ZNF469: variants seen among roughly 807,000 people sequenced by gnomAD.
The protein encoded by ZNF469 is zinc finger protein 469.
A neutral mutation model predicts 1.0 loss-of-function variants in ZNF469; 1 was observed. That is an observed-to-expected ratio of 1.00 (90% CI 0.35 to 4.73). The LOEUF is 4.73. Among genes scored for constraint, ZNF469 ranks in the 30% most tolerant of loss-of-function variants. The pLI, the probability that ZNF469 is intolerant of heterozygous loss-of-function variation, is 0.16. For missense variants in ZNF469, 6,100 were observed against 5,356.3 expected (o/e 1.14, Z -4.33); for synonymous variants, 2,703 against 2,363.4 (o/e 1.14, Z -4.17).
chr16:88,172,688 T>C, the ZNF469 span, among the ~76,000 whole-genome samples: 2 of 152,240 alleles, frequency 1.3e-5, no homozygotes, highest in Non-Finnish European at 2.9e-5. Flanking sequence ...ACAAGGATGC[T>C]AAACAGCTAT....
chr16:88,223,277 C>T, the ZNF469 span, among the ~76,000 whole-genome samples: 12 of 152,218 alleles, frequency 7.9e-5, no homozygotes, highest in South Asian at 4.1e-4. Flanking sequence ...ATGCGATCTG[C>T]GGGTTTTATA....
At chr16:88,119,077 A>G in the ZNF469 span, among the ~76,000 whole-genome samples, 1 of 152,210 alleles carries the variant, frequency 6.6e-6, no homozygotes, top group Non-Finnish European at 1.5e-5. Context: ...TTTCCCTGAC[A>G]ACTCGTAACT....
the ZNF469 span, among the ~76,000 whole-genome samples, chr16:88,132,234 G>A: frequency 3.4e-4 from 51 of 152,206 alleles, no homozygotes; most frequent in African/African-American, 1.2e-3. Flanking sequence ...TTCGGCCTCC[G>A]ACGCCCGCCT....
chr16:88,121,636 C>T, the ZNF469 span, among the ~76,000 whole-genome samples: 1 of 152,166 alleles, frequency 6.6e-6, no homozygotes, highest in Non-Finnish European at 1.5e-5. Context: ...TTAAGCTTAT[C>T]TATAATTTAT....
chr16:88,381,110 TCGCACACA>T (rs1159689977), upstream of ZNF469, among the ~76,000 whole-genome samples: 8 of 69,242 alleles, frequency 1.2e-4, no homozygotes, highest in African/African-American at 2.5e-4. Flanking sequence ...GGACATGCAC[TCGCACACA>T]CGCACACACA....
chr16:88,222,131 G>A, the ZNF469 span, among the ~76,000 whole-genome samples: 3 of 152,080 alleles, frequency 2.0e-5, no homozygotes, highest in African/African-American at 4.8e-5. Flanking sequence ...ACTCTCATCC[G>A]CAGCTGAAAT....
the ZNF469 span, among the ~76,000 whole-genome samples, chr16:88,187,129 G>C: frequency 6.6e-6 from 1 of 152,100 alleles, no homozygotes; most frequent in Non-Finnish European, 1.5e-5. Context: ...ACTAGCTGAG[G>C]TGTCTGTGGA....
chr16:88,383,330 C>T (rs2092530225), intron 1 of ZNF469, among the ~76,000 whole-genome samples, 76 bp downstream of exon 1: 1 of 147,436 alleles, frequency 6.8e-6, no homozygotes, highest in South Asian at 2.1e-4. Context: ...GGGGTGTCAC[C>T]GGGCTGCGCG....
the ZNF469 span, among the ~76,000 whole-genome samples, chr16:88,129,766 T>C: frequency 6.6e-6 from 1 of 152,234 alleles, no homozygotes. Flanking sequence ...AGGGCTGCGG[T>C]GGGAGGATCA....
the ZNF469 span, among the ~76,000 whole-genome samples, chr16:88,273,466 T>C: frequency 6.6e-5 from 10 of 152,080 alleles, no homozygotes; most frequent in Non-Finnish European, 1.2e-4. Context: ...CCCATTAAGA[T>C]AATTACCATA....
chr16:88,140,473 A>AGGAAAGGAGGACGGAGCCATGT, the ZNF469 span, among the ~76,000 whole-genome samples: 1 of 151,240 alleles, frequency 6.6e-6, no homozygotes, highest in African/African-American at 2.5e-5. Context: ...GGTAGCACGG[A>AGGAAAGGAGGACGGAGCCATGT]AAGTCAGTGA....
the ZNF469 span, among the ~76,000 whole-genome samples, chr16:88,179,560 C>T: frequency 6.6e-6 from 1 of 152,196 alleles, no homozygotes; most frequent in Admixed American, 6.5e-5. Context: ...CACAAATGTT[C>T]ACCTGTGAAC....
At chr16:88,237,231 G>T in the ZNF469 span, among the ~76,000 whole-genome samples, 300 of 2,432 alleles carry the variant, frequency 0.12, 46 homozygotes, top group Non-Finnish European at 0.37. Flanking sequence ...CCTGCCCTCT[G>T]TGCTCCTGCC....
At chr16:88,228,079 C>T in the ZNF469 span, among the ~76,000 whole-genome samples, 2 of 152,390 alleles carry the variant, frequency 1.3e-5, no homozygotes, top group East Asian at 1.9e-4. Context: ...TTAGGGCCCC[C>T]GATCCAGTAT....
chr16:88,270,042 A>G, the ZNF469 span, among the ~76,000 whole-genome samples: 1 of 152,064 alleles, frequency 6.6e-6, no homozygotes, highest in South Asian at 2.1e-4. Context: ...CCTCCTGTAG[A>G]CGGGGCAAGC....
At chr16:88,157,614 T>A in the ZNF469 span, among the ~76,000 whole-genome samples, 1 of 151,750 alleles carries the variant, frequency 6.6e-6, no homozygotes, top group African/African-American at 2.4e-5. Context: ...ACAGACCCTC[T>A]CAGGGGCTGG....
chr16:88,103,262 G>A, the ZNF469 span, among the ~76,000 whole-genome samples: 6 of 152,186 alleles, frequency 3.9e-5, no homozygotes, highest in African/African-American at 1.4e-4. Context: ...GAGCTTCCTG[G>A]CCGCCCTTCG....
At chr16:88,228,981 G>A in the ZNF469 span, among the ~76,000 whole-genome samples, 4 of 152,264 alleles carry the variant, frequency 2.6e-5, no homozygotes, top group South Asian at 2.1e-4. Context: ...CATATCTGCC[G>A]TCCTCACCGT....
chr16:88,339,839 G>T, the ZNF469 span, among the ~76,000 whole-genome samples: 1 of 139,230 alleles, frequency 7.2e-6, no homozygotes, highest in Non-Finnish European at 1.6e-5. Context: ...ATGGCAGGGG[G>T]ATGGGGAACA....
Sources: allele counts gnomAD v4.1 joint callset (sites outside exome capture counted in the v4.1 genomes callset), GRCh38; gene constraint gnomAD v4.1.1; transcripts MANE v1.5; gene names NCBI Gene and HGNC (gene_info 2026-07-23, HGNC 2026-07-21).